The following RAPGEF6 variants were observed in gnomAD, a reference collection of about 807,000 sequenced individuals.
RAPGEF6 encodes PDZ domain containing guanine nucleotide exchange factor (GEF) 2.
A neutral mutation model predicts 171.4 loss-of-function variants in RAPGEF6; 56 were observed. The observed-to-expected ratio is 0.33, with a 90% confidence interval of 0.26 to 0.41. RAPGEF6 has a LOEUF of 0.41. Among genes scored for constraint, RAPGEF6 ranks in the 10% least tolerant of loss-of-function variants. RAPGEF6 has a pLI of 1.00. For synonymous variants in RAPGEF6, 692 were observed against 650.1 expected (o/e 1.06, Z -0.98); for missense variants, 1,674 against 1,921.4 (o/e 0.87, Z 2.41).
chr5:131,450,311 G>T (rs2149820755), intron 21 of RAPGEF6, among the ~76,000 whole-genome samples: 1 of 152,182 alleles, frequency 6.6e-6, no homozygotes, highest in South Asian at 2.1e-4. Context: ...AATTCATCAG[G>T]AAGCTTATAT....
At chr5:131,521,368 A>C in intron 7 of RAPGEF6, 22 bp downstream of exon 7, 1 of 1,576,106 alleles carries the variant, frequency 6.3e-7, no homozygotes, top group Non-Finnish European at 8.6e-7. Flanking sequence ...TATACGCAGC[A>C]TACAAATTCC....
intron 3 of RAPGEF6, among the ~76,000 whole-genome samples, chr5:131,595,543 A>G (rs1016727733): frequency 2.0e-5 from 3 of 152,228 alleles, no homozygotes; most frequent in African/African-American, 7.2e-5. Flanking sequence ...TGCTAGCTCT[A>G]TAGTAAACAT....
At position 131,521,536 on chromosome 5, in the gene RAPGEF6, A is replaced by G. The variant is rs1000932740; in HGVS notation, c.496-15T>C. On this transcript the variant is annotated splice_polypyrimidine_tract_variant and intron_variant, in intron 6 of 27. Coordinates refer to ENST00000509018, the MANE Select transcript of RAPGEF6 (RefSeq NM_016340.6). The stretch of plus-strand genomic sequence containing the variant: ...TCAGCTGGAAGCTGAAAAAAAAAAT[A>G]ATTTAAGTTATTCTAAATGTCAAGC... 1 of 1,582,532 alleles carries G rather than the reference A, an allele frequency of 6.3e-7. No homozygotes were observed. Among genetic ancestry groups the G allele is most frequent in the Non-Finnish European group, 8.6e-7 (1 of 1,167,988 alleles).
intron 15 of RAPGEF6, among the ~76,000 whole-genome samples, chr5:131,487,575 A>T (rs559272008): frequency 6.8e-4 from 104 of 152,304 alleles, no homozygotes; most frequent in African/African-American, 2.4e-3. Context: ...CTAGACACAG[A>T]GTGCTGATTG....
At chr5:131,431,438 C>G (rs2149805387) in intron 25 of RAPGEF6, 89 bp from the exon 26 acceptor site, 7 of 1,402,536 alleles carry the variant, frequency 5.0e-6, no homozygotes. Context: ...TGAGAAACTA[C>G]AGAGCACGTA....
At chr5:131,586,316 A>T (rs1474991713) in intron 4 of RAPGEF6, among the ~76,000 whole-genome samples, 1 of 152,252 alleles carries the variant, frequency 6.6e-6, no homozygotes, top group Non-Finnish European at 1.5e-5. Context: ...AAGACAACTT[A>T]TTAGGAAAAT....
At chr5:131,479,888 C>G in intron 15 of RAPGEF6, 135 bp from the exon 16 acceptor site, 2 of 868,138 alleles carry the variant, frequency 2.3e-6, no homozygotes, top group South Asian at 3.6e-5. Flanking sequence ...TAAACACTGT[C>G]AAGTATTTAC....
At chr5:131,556,916 A>G (rs1761269518) in intron 5 of RAPGEF6, among the ~76,000 whole-genome samples, 1 of 152,146 alleles carries the variant, frequency 6.6e-6, no homozygotes, top group Non-Finnish European at 1.5e-5. Context: ...AGGGGTATTT[A>G]AACACATTAT....
At chr5:131,602,329 T>C (rs549472438) in intron 3 of RAPGEF6, among the ~76,000 whole-genome samples, 1 of 152,334 alleles carries the variant, frequency 6.6e-6, no homozygotes, top group African/African-American at 2.4e-5. Flanking sequence ...CTTGACACAA[T>C]AGTCCATCAC....
At chr5:131,460,367 G>A (rs1312522585) in intron 19 of RAPGEF6, among the ~76,000 whole-genome samples, 1 of 152,052 alleles carries the variant, frequency 6.6e-6, no homozygotes, top group Non-Finnish European at 1.5e-5. Context: ...ATCATACTAA[G>A]GTATGGTTTT....
intron 6 of RAPGEF6, among the ~76,000 whole-genome samples, chr5:131,527,974 C>G (rs965800690): frequency 1.4e-5 from 2 of 147,722 alleles, no homozygotes; most frequent in Non-Finnish European, 3.0e-5. Flanking sequence ...GAAACTGCGC[C>G]ACTGCACTCC....
chr5:131,541,253 G>A (rs751645118), intron 6 of RAPGEF6, among the ~76,000 whole-genome samples: 7 of 152,184 alleles, frequency 4.6e-5, no homozygotes, highest in Non-Finnish European at 8.8e-5. Flanking sequence ...GGACTCTTGG[G>A]AGCTGAACAT....
chr5:131,528,234 A>T (rs1355217083), intron 6 of RAPGEF6, among the ~76,000 whole-genome samples: 1 of 130,100 alleles, frequency 7.7e-6, no homozygotes. Context: ...TAATATATTT[A>T]TATATCATAT....
chr5:131,456,220 C>T (rs1235050337), intron 19 of RAPGEF6, among the ~76,000 whole-genome samples: 10 of 152,066 alleles, frequency 6.6e-5, no homozygotes, highest in Non-Finnish European at 1.0e-4. Flanking sequence ...TAATGCTTGC[C>T]TATAGTTCTA....
chr5:131,513,570 A>T (rs1757879716), intron 7 of RAPGEF6, among the ~76,000 whole-genome samples: 2 of 152,224 alleles, frequency 1.3e-5, no homozygotes, highest in Non-Finnish European at 2.9e-5. Flanking sequence ...TATCATCTGC[A>T]TGAGAAGCAA....
chr5:131,465,216 T>TA (rs1467341629), intron 17 of RAPGEF6, among the ~76,000 whole-genome samples: 1 of 152,302 alleles, frequency 6.6e-6, no homozygotes, highest in Non-Finnish European at 1.5e-5. Context: ...GGTGAAATCT[T>TA]AGTCTTTGCC....
chr5:131,630,828 G>C (rs559961008), intron 1 of RAPGEF6, among the ~76,000 whole-genome samples: 1 of 152,122 alleles, frequency 6.6e-6, no homozygotes, highest in East Asian at 1.9e-4. Flanking sequence ...TCAATTACAC[G>C]ATGCAAACAA....
At chr5:131,442,197 G>T in intron 23 of RAPGEF6, 152 bp downstream of exon 23, 1 of 730,032 alleles carries the variant, frequency 1.4e-6, no homozygotes. Context: ...ACATCTATAG[G>T]CAAAATGAAA....
At chr5:131,511,481 C>CTTTTTTTTT (rs55782171) in intron 7 of RAPGEF6, among the ~76,000 whole-genome samples, 11 of 137,328 alleles carry the variant, frequency 8.0e-5, no homozygotes, top group Non-Finnish European at 1.2e-4. Context: ...AAAAGATCAT[C>CTTTTTTTTT]TTTTTTTTTT....
Sources: allele counts gnomAD v4.1 joint callset (sites outside exome capture counted in the v4.1 genomes callset), GRCh38; gene constraint gnomAD v4.1.1; transcripts MANE v1.5; gene names NCBI Gene and HGNC (gene_info 2026-07-23, HGNC 2026-07-21).